TRRAP: variants seen among roughly 807,000 people sequenced by gnomAD.
TRRAP encodes transformation/transcription domain-associated protein.
In TRRAP, 41 loss-of-function variants were observed where a neutral mutation model predicts 438.8. That is an observed-to-expected ratio of 0.09 (90% CI 0.07 to 0.12). The LOEUF (loss-of-function observed/expected upper bound fraction) is 0.12, where lower values mean the gene tolerates loss of function less well. Ranked by LOEUF, TRRAP falls within the 10% of genes least tolerant of loss-of-function variation. The pLI is 1.00. For synonymous variants in TRRAP, 1,994 were observed against 1,962.9 expected (o/e 1.02, Z -0.42); for missense variants, 3,122 against 5,055.1 (o/e 0.62, Z 11.60).
intron 44 of TRRAP, 135 bp from the exon 45 acceptor site, chr7:98,959,209 C>T (rs560510333): frequency 9.0e-6 from 11 of 1,227,890 alleles, no homozygotes; most frequent in Middle Eastern, 2.2e-4. Context: ...GGAGGTCAGG[C>T]GGAAGAGAGG....
chr7:98,981,762 C>T lies in TRRAP; in HGVS notation c.8635-7C>T. 1 of 1,596,158 alleles carries T rather than the reference C, an allele frequency of 6.3e-7. No individual in the cohort carries two copies. The highest frequency in any genetic ancestry group is 1.1e-5 in the South Asian group (1 of 87,612). On this transcript the variant is annotated splice_region_variant and splice_polypyrimidine_tract_variant and intron_variant, in intron 58 of 72. Transcript: ENST00000456197. ...TCACGTCCTGTGTCACGTTCTTTCA[C>T]TGCCAGGTGGAAGTGAGCTGTCCGA...
chr7:98,983,960 C>A, intron 60 of TRRAP, 133 bp from the exon 61 acceptor site: 1 of 1,162,356 alleles, frequency 8.6e-7, no homozygotes, highest in Non-Finnish European at 1.2e-6. Context: ...TACAAAGTAA[C>A]GAGGGTTTAT....
intron 58 of TRRAP, among the ~76,000 whole-genome samples, chr7:98,979,861 A>G (rs1395559928): frequency 6.6e-6 from 1 of 152,238 alleles, no homozygotes; most frequent in Admixed American, 6.5e-5. Flanking sequence ...AGTCTTGAAA[A>G]GGATTCAGCA....
chr7:98,997,014 A>AC (rs765928641), intron 67 of TRRAP, among the ~76,000 whole-genome samples: 3 of 152,124 alleles, frequency 2.0e-5, no homozygotes, highest in Non-Finnish European at 2.9e-5. Flanking sequence ...ACAAAAAAAG[A>AC]GTATGTTCTT....
intron 28 of TRRAP, among the ~76,000 whole-genome samples, chr7:98,936,275 T>C (rs1422717900): frequency 6.6e-6 from 1 of 152,186 alleles, no homozygotes; most frequent in Non-Finnish European, 1.5e-5. Flanking sequence ...TTTCTTGAGT[T>C]AGAGGTGGAG....
intron 38 of TRRAP, among the ~76,000 whole-genome samples, chr7:98,950,620 G>T (rs1791291260): frequency 2.6e-5 from 4 of 152,208 alleles, no homozygotes; most frequent in Admixed American, 2.6e-4. Context: ...TTGAAGGGTG[G>T]TTTGTTAATT....
At chr7:98,901,860 A>G (rs1213429862) in intron 11 of TRRAP, among the ~76,000 whole-genome samples, 2 of 152,158 alleles carry the variant, frequency 1.3e-5, no homozygotes, top group African/African-American at 4.8e-5. Flanking sequence ...CGTTATTGAG[A>G]TATAGTTTAT....
intron 6 of TRRAP, among the ~76,000 whole-genome samples, chr7:98,894,422 G>A (rs6465727): frequency 0.9 from 137,568 of 152,212 alleles, 62,223 homozygotes; most frequent in South Asian, 0.94. Context: ...ATCTTCTCTG[G>A]TGATAACCTA....
rs116372334 is a variant in TRRAP at position 99,002,607 on chromosome 7, T to C, written c.10310-1583T>C. On this transcript the variant is annotated intron_variant, in intron 67 of 72. Transcript: ENST00000456197. Reference sequence around the variant, plus strand: ...GCGGCTCTGCTGGGGGATCTCACCTTGGTGCACAGCAGCCTGTCCAGCCAC... The same window carrying C: ...GCGGCTCTGCTGGGGGATCTCACCTCGGTGCACAGCAGCCTGTCCAGCCAC... 7.9e-3 allele frequency among the ~76,000 whole-genome samples: 1,207 copies of C among 152,142 alleles called. 10 individuals are homozygous for C. The highest frequency in any genetic ancestry group is 0.025 in the African/African-American group (1,039 of 41,476).
At chr7:98,894,606 T>C (rs1554405436) in intron 6 of TRRAP, among the ~76,000 whole-genome samples, 1 of 129,756 alleles carries the variant, frequency 7.7e-6, no homozygotes, top group Non-Finnish European at 1.7e-5. Context: ...TTCCTTTCCT[T>C]TCTCTTTTCT....
chr7:98,933,692 A>G (rs1031104855), intron 27 of TRRAP, among the ~76,000 whole-genome samples: 5 of 152,258 alleles, frequency 3.3e-5, no homozygotes, highest in Non-Finnish European at 7.3e-5. Flanking sequence ...TATTTTAAAG[A>G]TGAAGCTGCA....
At chr7:98,880,876 A>C (rs1554402934) in intron 1 of TRRAP, among the ~76,000 whole-genome samples, 1 of 152,210 alleles carries the variant, frequency 6.6e-6, no homozygotes, top group Non-Finnish European at 1.5e-5. Context: ...TACCGTAGGA[A>C]GGAACAGTAT....
At chr7:98,945,410 G>T (rs559607721) in intron 31 of TRRAP, among the ~76,000 whole-genome samples, 4 of 152,120 alleles carry the variant, frequency 2.6e-5, no homozygotes, top group South Asian at 2.1e-4. Flanking sequence ...TATAAAATTT[G>T]TTCACTCTAC....
intron 67 of TRRAP, among the ~76,000 whole-genome samples, chr7:98,995,769 A>G (rs992596980): frequency 7.5e-5 from 11 of 145,750 alleles, no homozygotes; most frequent in African/African-American, 2.3e-4. Context: ...CCTGTATCCT[A>G]TCACCTGCAT....
chr7:98,947,357 C>T (rs533896765), intron 33 of TRRAP, among the ~76,000 whole-genome samples: 1 of 152,238 alleles, frequency 6.6e-6, no homozygotes, highest in East Asian at 1.9e-4. Flanking sequence ...GTACCAGGAT[C>T]AGTTGTTTAT....
intron 51 of TRRAP, among the ~76,000 whole-genome samples, chr7:98,969,012 C>T (rs1425132044): frequency 6.6e-6 from 1 of 152,240 alleles, no homozygotes; most frequent in Non-Finnish European, 1.5e-5. Flanking sequence ...CCTCGACTCC[C>T]TCCTTCCTTT....
chr7:98,883,888 C>T (rs1795575601), intron 3 of TRRAP, among the ~76,000 whole-genome samples: 1 of 152,184 alleles, frequency 6.6e-6, no homozygotes, highest in Admixed American at 6.5e-5. Context: ...TATTATCTCC[C>T]TCGGAAGAAT....
chr7:98,910,610 A>G lies in TRRAP; in HGVS notation c.1812+3A>G. 1 of 1,609,112 alleles carries G rather than the reference A, an allele frequency of 6.2e-7. No homozygotes were observed. Among genetic ancestry groups the G allele is most frequent in the Non-Finnish European group, 8.5e-7 (1 of 1,177,888 alleles). On this transcript the variant is annotated splice_donor_region_variant and intron_variant, in intron 16 of 72. Coordinates refer to ENST00000456197, the MANE Select transcript of TRRAP (RefSeq NM_001375524.1). Reference sequence around the variant, plus strand: ...TGCAAGCTTTAGATATTTATCAGGTAAGGAAGTGCCCTCCAGCCAGGCTTT... The same window carrying G: ...TGCAAGCTTTAGATATTTATCAGGTGAGGAAGTGCCCTCCAGCCAGGCTTT...
At chr7:98,978,695 C>G (rs1039536640) in intron 57 of TRRAP, 74 bp from the exon 58 acceptor site, 1 of 1,597,404 alleles carries the variant, frequency 6.3e-7, no homozygotes, top group East Asian at 2.2e-5. Flanking sequence ...CTCCTTAAAA[C>G]CCTGTCCCTG....
Sources: allele counts gnomAD v4.1 joint callset (sites outside exome capture counted in the v4.1 genomes callset), GRCh38; gene constraint gnomAD v4.1.1; transcripts MANE v1.5; gene names NCBI Gene and HGNC (gene_info 2026-07-23, HGNC 2026-07-21).